The following ANO5 variants were observed in gnomAD, a reference collection of about 807,000 sequenced individuals.
ANO5 encodes anoctamin 5.
A neutral mutation model predicts 121.0 loss-of-function variants in ANO5; 109 were observed. That is an observed-to-expected ratio of 0.90 (90% CI 0.77 to 1.06). The LOEUF is 1.06. Among genes scored for constraint, ANO5 ranks in the 50% least tolerant of loss-of-function variants. ANO5 has a pLI of 0.00. For synonymous variants in ANO5, 406 were observed against 359.9 expected (o/e 1.13, Z -1.45); for missense variants, 1,064 against 1,078.5 (o/e 0.99, Z 0.19).
rs1312952449 is a variant in ANO5, at chr11:22,269,218, AAAG to A, written c.1899-1088_1899-1086del. The stretch of plus-strand genomic sequence containing the variant: ...GGGAAGGGAAGAGAAGGGAAGAAGG[AAAG>A]AAGAAAGGAAGGAAGGAAGGAGAAA... On this transcript the variant is annotated intron_variant, in intron 17 of 21. Coordinates refer to ENST00000324559, the MANE Select transcript of ANO5 (RefSeq NM_213599.3). Among the ~76,000 whole-genome samples the A allele has an allele frequency of 8.6e-4, 113 of 131,422 alleles. 3 individuals carry two copies. Among genetic ancestry groups the A allele is most frequent in the African/African-American group, 3.5e-3 (109 of 31,290 alleles). 86.2% of individuals were successfully genotyped at this position (131,422 alleles called of 152,430 possible).
intron 7 of ANO5, among the ~76,000 whole-genome samples, chr11:22,230,862 CT>C (rs1174642856): frequency 1.3e-5 from 2 of 152,010 alleles, no homozygotes; most frequent in Non-Finnish European, 2.9e-5. Context: ...ACTCCTAACT[CT>C]CTTTGAATCT....
rs1855047526 is a variant in ANO5, at chr11:22,280,753, T to C, written c.*988T>C. On this transcript the variant is annotated 3_prime_UTR_variant, in exon 22 of 22. Coordinates refer to ENST00000324559, the MANE Select transcript of ANO5 (RefSeq NM_213599.3). Reference sequence around the variant, plus strand: ...AAATAATTGCAAATATTTTAATAAGTTTACAACCTTTTCTATTGATGTATC... The same window carrying C: ...AAATAATTGCAAATATTTTAATAAGCTTACAACCTTTTCTATTGATGTATC... The C allele has an allele frequency of 6.6e-6, 1 of 151,988 alleles. No individual in the cohort carries two copies. The highest frequency in any genetic ancestry group is 2.4e-5 in the African/African-American group (1 of 41,442). 9.4% of individuals were successfully genotyped at this position (151,988 alleles called of 1,614,324 possible).
At chr11:22,233,624 A>G (rs529020351) in intron 7 of ANO5, among the ~76,000 whole-genome samples, 27 of 152,058 alleles carry the variant, frequency 1.8e-4, no homozygotes, top group Non-Finnish European at 3.8e-4. Context: ...ACTGAGCCAA[A>G]TCAGGACTGA....
intron 21 of ANO5, among the ~76,000 whole-genome samples, chr11:22,278,901 T>C (rs1454771896): frequency 1.3e-5 from 2 of 151,368 alleles, no homozygotes; most frequent in African/African-American, 2.4e-5. Context: ...TTTTTCAATA[T>C]GTTGTCATAC....
rs770013241 is a variant in ANO5 at position 22,257,716 on chromosome 11, C to T, written c.1369C>T (p.Pro457Ser). 4 of 1,612,764 alleles carry T rather than the reference C, an allele frequency of 2.5e-6. No individual in the cohort carries two copies. The highest frequency in any genetic ancestry group is 3.4e-6 in the Non-Finnish European group (4 of 1,179,012). ...EPYMPLYTRI[P>S]WYFLSGATVT... Reference sequence around the variant, plus strand: ...TTACATGCCTCTATACACGCGTATTCCATGGTACTTTCTTTCAGGAGCCAC... The same window carrying T: ...TTACATGCCTCTATACACGCGTATTTCATGGTACTTTCTTTCAGGAGCCAC... Residue 457 changes from proline (P) to serine (S), a missense_variant, in exon 14 of 22, where the codon CCA becomes TCA. Pro to Ser is a moderately conservative substitution (Grantham distance 74, BLOSUM62 -1). Coordinates refer to ENST00000324559, the MANE Select transcript of ANO5 (RefSeq NM_213599.3).
In ANO5 at chr11:22,282,715, T is replaced by C. The variant is rs952514833; in HGVS notation, c.*2950T>C. The stretch of plus-strand genomic sequence containing the variant: ...ATGTGACCACTATTATGTGTCAAAA[T>C]AAAACTTAGATTCCAAAGTGGTTTT... On this transcript the variant is annotated 3_prime_UTR_variant, in exon 22 of 22. Coordinates refer to ENST00000324559, the MANE Select transcript of ANO5 (RefSeq NM_213599.3). The C allele has an allele frequency of 2.6e-5, 4 of 152,156 alleles. No individual in the cohort carries two copies. The highest frequency in any genetic ancestry group is 5.9e-5 in the Non-Finnish European group (4 of 67,996). 9.4% of individuals were successfully genotyped at this position (152,156 alleles called of 1,614,324 possible).
intron 15 of ANO5, among the ~76,000 whole-genome samples, chr11:22,260,966 T>C (rs1267690849): frequency 2.0e-5 from 3 of 152,222 alleles, no homozygotes; most frequent in Non-Finnish European, 4.4e-5. Flanking sequence ...CACTATTTGC[T>C]AATTACATTA....
At chr11:22,214,494 T>G (rs1242111333) in intron 3 of ANO5, among the ~76,000 whole-genome samples, 1 of 151,862 alleles carries the variant, frequency 6.6e-6, no homozygotes, top group Non-Finnish European at 1.5e-5. Context: ...AAAGATGGGG[T>G]GTAAGGGAAT....
In ANO5 at chr11:22,281,235, A is replaced by C. The variant is rs951562999; in HGVS notation, c.*1470A>C. The C allele has an allele frequency of 1.3e-5, 2 of 152,088 alleles. No homozygotes were observed. Among genetic ancestry groups the C allele is most frequent in the African/African-American group, 4.8e-5 (2 of 41,456 alleles). 9.4% of individuals were successfully genotyped at this position (152,088 alleles called of 1,614,324 possible). Reference sequence around the variant, plus strand: ...CACACACATAAGAAATTTTATCACAATATTTAAAACTAATATTTCATTATC... The same window carrying C: ...CACACACATAAGAAATTTTATCACACTATTTAAAACTAATATTTCATTATC... On this transcript the variant is annotated 3_prime_UTR_variant, in exon 22 of 22. Coordinates refer to ENST00000324559, the MANE Select transcript of ANO5 (RefSeq NM_213599.3).
At chr11:22,215,325 G>A (rs1852405112) in intron 3 of ANO5, among the ~76,000 whole-genome samples, 1 of 151,892 alleles carries the variant, frequency 6.6e-6, no homozygotes, top group Non-Finnish European at 1.5e-5. Context: ...TGTCATATTA[G>A]CACAGTATTT....
At chr11:22,198,339 G>T (rs924605239) in intron 1 of ANO5, among the ~76,000 whole-genome samples, 1 of 152,160 alleles carries the variant, frequency 6.6e-6, no homozygotes, top group Non-Finnish European at 1.5e-5. Flanking sequence ...GGAGGTCTAG[G>T]CTGATATAAT....
intron 17 of ANO5, among the ~76,000 whole-genome samples, chr11:22,267,524 A>ATATATATATATAT (rs141657651): frequency 2.1e-5 from 3 of 144,594 alleles, no homozygotes; most frequent in African/African-American, 8.5e-5. Flanking sequence ...ATATATATAT[A>ATATATATATATAT]AAATCTATCT....
intron 7 of ANO5, among the ~76,000 whole-genome samples, chr11:22,234,791 C>T (rs1266298284): frequency 5.9e-5 from 9 of 152,032 alleles, no homozygotes; most frequent in Non-Finnish European, 8.8e-5. Context: ...ACTTCACTTC[C>T]TCCAAATTCT....
intron 17 of ANO5, among the ~76,000 whole-genome samples, chr11:22,265,215 G>T (rs1055849781): frequency 1.5e-4 from 23 of 152,194 alleles, no homozygotes; most frequent in African/African-American, 5.5e-4. Flanking sequence ...AAAAATCTTA[G>T]ATGAAAAAGA....
chr11:22,233,329 CAAAG>C (rs1027359286), intron 7 of ANO5, among the ~76,000 whole-genome samples: 27 of 151,550 alleles, frequency 1.8e-4, no homozygotes, highest in African/African-American at 5.8e-4. Flanking sequence ...CTCAAAGGGA[CAAAG>C]AAAGAATTTA....
intron 3 of ANO5, among the ~76,000 whole-genome samples, chr11:22,211,995 CT>C (rs5790243): frequency 0.66 from 97,759 of 149,062 alleles, 33,104 homozygotes; most frequent in Middle Eastern, 0.76. Context: ...TTTATTTTTA[CT>C]TTTTTTTTTT....
intron 7 of ANO5, among the ~76,000 whole-genome samples, chr11:22,233,733 C>G (rs558242414): frequency 6.6e-6 from 1 of 152,174 alleles, no homozygotes; most frequent in South Asian, 2.1e-4. Context: ...AAGAAGGGCT[C>G]TCTGCTGAAG....
chr11:22,269,567 GAAAGAAAA>G (rs1223083219), intron 17 of ANO5, among the ~76,000 whole-genome samples: 1 of 142,978 alleles, frequency 7.0e-6, no homozygotes, highest in African/African-American at 2.8e-5. Context: ...AAAAGAAAAG[GAAAGAAAA>G]AAAGAAAGAA....
Position 22,279,532 on chromosome 11 carries a change from T to C in ANO5, c.2521-12T>C. The C allele has an allele frequency of 6.3e-7, 1 of 1,599,716 alleles. No individual in the cohort carries two copies. ...CTAACAGCGTCTAATCTTTCCTTTA[T>C]ATTTCCTCTAGCATGTTGTGTTTTT... On this transcript the variant is annotated splice_polypyrimidine_tract_variant and intron_variant, in intron 21 of 21. Coordinates refer to ENST00000324559, the MANE Select transcript of ANO5 (RefSeq NM_213599.3).
Sources: allele counts gnomAD v4.1 joint callset (sites outside exome capture counted in the v4.1 genomes callset), GRCh38; gene constraint gnomAD v4.1.1; transcripts MANE v1.5; gene names NCBI Gene and HGNC (gene_info 2026-07-23, HGNC 2026-07-21).